Variants in ITGA11 observed in about 807,000 individuals in gnomAD.
ITGA11 encodes the protein integrin subunit alpha 11.
In ITGA11, 97 loss-of-function variants were observed where a neutral mutation model predicts 141.9. That is an observed-to-expected ratio of 0.68 (90% confidence interval 0.58 to 0.81). ITGA11 has a LOEUF of 0.81. Ranked by LOEUF, ITGA11 falls within the 30% of genes least tolerant of loss-of-function variation. The probability of loss-of-function intolerance (pLI) is 0.00; values close to 1 mark genes in which losing one functional copy is unlikely to be tolerated. For missense variants in ITGA11, 1,387 were observed against 1,559.2 expected, an observed-to-expected ratio of 0.89 and a Z score of 1.86; for synonymous variants, 658 against 624.6, an observed-to-expected ratio of 1.05 and a Z score of -0.80.
intron 1 of ITGA11, among the ~76,000 whole-genome samples, chr15:68,405,159 C>CG (rs10647873): frequency 2.5e-5 from 3 of 118,942 alleles, no homozygotes; most frequent in African/African-American, 6.3e-5. Context: ...CACTGTCTCC[C>CG]TTTTTTTTTT....
intron 7 of ITGA11, among the ~76,000 whole-genome samples, chr15:68,353,860 C>G (rs1281529303): frequency 6.6e-6 from 1 of 152,108 alleles, no homozygotes; most frequent in East Asian, 1.9e-4. Context: ...ACTAGGCCCT[C>G]TGAAATCTGG....
chr15:68,350,580 G>A lies in ITGA11; in HGVS notation c.1060+37C>T, dbSNP rs200729302. 394 of 1,594,428 alleles carry A rather than the reference G, an allele frequency of 2.5e-4. 2 individuals are homozygous for A. In the African/African-American group the frequency reaches 4.6e-3, roughly 19 times the overall value. On this transcript the variant is annotated intron_variant, in intron 9 of 29. Transcript: ENST00000315757. ...ACGGGGTTTACCTGACATAAGCCCA[G>A]GAGAGAGTGGATCCCCTCTTAGCAT...
intron 9 of ITGA11, among the ~76,000 whole-genome samples, chr15:68,349,384 G>A (rs141027811): frequency 6.0e-4 from 91 of 152,300 alleles, no homozygotes; most frequent in Middle Eastern, 3.4e-3. Context: ...CTGCAGATTT[G>A]CGTAAGAAAT....
intron 2 of ITGA11, among the ~76,000 whole-genome samples, chr15:68,388,464 C>T (rs184237615): frequency 6.6e-6 from 1 of 152,214 alleles, no homozygotes; most frequent in African/African-American, 2.4e-5. Flanking sequence ...CCCACTTACC[C>T]TGCTTAATGT....
At chr15:68,382,033 CATT>C (rs1360427824) in intron 2 of ITGA11, among the ~76,000 whole-genome samples, 1 of 152,198 alleles carries the variant, frequency 6.6e-6, no homozygotes, top group Non-Finnish European at 1.5e-5. Flanking sequence ...ATTAGGGAAT[CATT>C]GTTTACATGG....
rs1893912911 is a variant in ITGA11 at position 68,324,561 on chromosome 15, A to T, written c.2322+570T>A. On this transcript the variant is annotated intron_variant, in intron 18 of 29. Coordinates refer to ENST00000315757, the MANE Select transcript of ITGA11 (RefSeq NM_001004439.2). The surrounding 1 kb of genome is among the most constrained non-coding windows in gnomAD (Gnocchi z 6.3). Reference sequence around the variant, plus strand: ...ACATGGAGTTGCGGCTGCAGGGAGCATTTGAATGTTAGATGTCAAACATTT... The same window carrying T: ...ACATGGAGTTGCGGCTGCAGGGAGCTTTTGAATGTTAGATGTCAAACATTT... 6.6e-6 allele frequency among the ~76,000 whole-genome samples: 1 copy of T among 152,186 alleles called. No homozygotes were observed. The highest frequency in any genetic ancestry group is 2.1e-4 in the South Asian group (1 of 4,830).
intron 1 of ITGA11, among the ~76,000 whole-genome samples, chr15:68,413,064 C>A (rs1467479064): frequency 6.6e-6 from 1 of 152,146 alleles, no homozygotes; most frequent in Non-Finnish European, 1.5e-5. Flanking sequence ...GCGAATCTCA[C>A]ATTTTTTGAA....
At chr15:68,358,622 G>A in intron 5 of ITGA11, 37 bp from the exon 6 acceptor site, 1 of 1,587,830 alleles carries the variant, frequency 6.3e-7, no homozygotes. Flanking sequence ...TACCCAAGGA[G>A]CAGTGTCTGC....
rs2271728 is a variant in ITGA11, at chr15:68,312,842, G to A, written c.2904C>T (p.Tyr968=). The A allele has an allele frequency of 7.1e-4, 1,149 of 1,613,338 alleles. 13 individuals carry two copies. The East Asian group carries it at 0.017, about 24-fold the overall frequency. ...CCAGCGAGCTGTTGGGCTTGACCTCGTAGTGGCTCAGGCTGCTGCTCCTGC... is the reference window on the plus strand; with the variant it reads ...CCAGCGAGCTGTTGGGCTTGACCTCATAGTGGCTCAGGCTGCTGCTCCTGC... ...LFTRSSSLSH[Y]EVKPNSSLER... is the part of the protein sequence containing the mutation. Residue 968 remains tyrosine (Y), a synonymous_variant, in exon 24 of 30, where the codon TAC becomes TAT. Coordinates refer to ENST00000315757, the MANE Select transcript of ITGA11 (RefSeq NM_001004439.2).
chr15:68,351,116 G>A, intron 8 of ITGA11, 142 bp downstream of exon 8: 1 of 879,300 alleles, frequency 1.1e-6, no homozygotes, highest in Non-Finnish European at 1.7e-6. Flanking sequence ...TCAACTTGTT[G>A]TTCAGAAGAT....
chr15:68,385,742 C>T (rs1318440263), intron 2 of ITGA11, among the ~76,000 whole-genome samples: 2 of 152,176 alleles, frequency 1.3e-5, no homozygotes, highest in Admixed American at 6.5e-5. Context: ...CAACTCTGGG[C>T]TGGGGGCTGG....
chr15:68,362,107 G>C (rs938405529), intron 4 of ITGA11: 1 of 163,498 alleles, frequency 6.1e-6, no homozygotes, highest in East Asian at 1.8e-4. Flanking sequence ...CTGAGAGGTC[G>C]CCTGAAGGGC....
rs564886022 is a variant in ITGA11, at chr15:68,311,433, C to A, written c.2974-30G>T. On this transcript the variant is annotated intron_variant, in intron 24 of 29. Coordinates refer to ENST00000315757, the MANE Select transcript of ITGA11 (RefSeq NM_001004439.2). ...GGCCAGAGACAGGGAGGTGTCAGTACAGTCAGTTGAGGGGGGTGGAAAACA... is the reference window on the plus strand; with the variant it reads ...GGCCAGAGACAGGGAGGTGTCAGTAAAGTCAGTTGAGGGGGGTGGAAAACA... 1.2e-4 allele frequency: 179 copies of A among 1,473,142 alleles called. 3 individuals carry two copies. The South Asian group carries it at 2.1e-3, about 17-fold the overall frequency. 91.3% of individuals were successfully genotyped at this position (1,473,142 alleles called of 1,614,324 possible).
intron 2 of ITGA11, among the ~76,000 whole-genome samples, chr15:68,381,532 C>T (rs763537503): frequency 6.6e-6 from 1 of 150,796 alleles, no homozygotes; most frequent in Admixed American, 6.6e-5. Flanking sequence ...CTAATCTTCT[C>T]AATCCTGAGG....
chr15:68,377,543 A>T (rs990911384), intron 2 of ITGA11, among the ~76,000 whole-genome samples: 1 of 152,276 alleles, frequency 6.6e-6, no homozygotes, highest in Admixed American at 6.5e-5. Flanking sequence ...AGGTGCTGGG[A>T]TTACAGGCGT....
At chr15:68,424,186 A>G (rs1231945510) in intron 1 of ITGA11, among the ~76,000 whole-genome samples, 1 of 152,142 alleles carries the variant, frequency 6.6e-6, no homozygotes, top group Non-Finnish European at 1.5e-5. Context: ...ACCAGCTCCA[A>G]TCTGCAAAGT....
rs1894321330 is a variant in ITGA11, at chr15:68,335,584, G to GGTCCAGGC, written c.1425+112_1425+113insGCCTGGAC. 4 of 1,236,118 alleles carry GGTCCAGGC rather than the reference G, an allele frequency of 3.2e-6. No individual in the cohort carries two copies. The African/African-American group carries it at 5.9e-5, about 18-fold the overall frequency. 76.6% of individuals were successfully genotyped at this position (1,236,118 alleles called of 1,614,324 possible). On this transcript the variant is annotated intron_variant, in intron 12 of 29. Coordinates refer to ENST00000315757, the MANE Select transcript of ITGA11 (RefSeq NM_001004439.2). The surrounding 1 kb of genome is among the most constrained non-coding windows in gnomAD (Gnocchi z 4.9). ...AGCATGAAGGTGGCTGGAGGAACAT[G>GGTCCAGGC]ACTGCCCTTTGGGGCACCCAGTGGT...
intron 1 of ITGA11, among the ~76,000 whole-genome samples, chr15:68,411,345 C>T (rs1277564712): frequency 2.0e-5 from 3 of 152,176 alleles, no homozygotes; most frequent in Non-Finnish European, 4.4e-5. Context: ...CAGGCTTATC[C>T]CCCTCCCACA....
At chr15:68,409,542 A>C (rs577191330) in intron 1 of ITGA11, among the ~76,000 whole-genome samples, 1 of 151,698 alleles carries the variant, frequency 6.6e-6, no homozygotes, top group South Asian at 2.1e-4. Context: ...AGGTACTGAT[A>C]GGTAGTACTG....
Sources: gnomAD v4.1 joint callset for allele counts (sites outside exome capture counted in the v4.1 genomes callset) on GRCh38, gnomAD v4.1.1 for gene constraint, Gnocchi (gnomAD v3.1) non-coding constraint, MANE v1.5 for transcripts, NCBI Gene and HGNC (gene_info 2026-07-23, HGNC 2026-07-21) for gene names.